PCDH15: variants seen among roughly 807,000 people sequenced by gnomAD.
PCDH15 encodes the protein protocadherin-15.
PCDH15 carries 129 observed loss-of-function variants against 178.5 expected under a neutral mutation model. The observed-to-expected ratio is 0.72, with a 90% CI of 0.63 to 0.84. The LOEUF (loss-of-function observed/expected upper bound fraction) is 0.84. Among genes scored for constraint, PCDH15 ranks in the 40% least tolerant of loss-of-function variants. The probability of loss-of-function intolerance (pLI) is 0.00; values close to 1 mark genes in which losing one functional copy is unlikely to be tolerated. For missense variants in PCDH15, 2,230 were observed against 2,099.9 expected (o/e 1.06, Z -1.21); for synonymous variants, 800 against 732.0 (o/e 1.09, Z -1.50).
At chr10:55,120,369 G>A (rs752434161) in intron 2 of PCDH15, among the ~76,000 whole-genome samples, 2 of 152,118 alleles carry the variant, frequency 1.3e-5, no homozygotes, top group Non-Finnish European at 2.9e-5. Context: ...ATACCATGTA[G>A]GCAGTTGCAT....
At chr10:55,415,988 C>T (rs1226862049) in intron 2 of PCDH15, among the ~76,000 whole-genome samples, 2 of 151,372 alleles carry the variant, frequency 1.3e-5, no homozygotes, top group East Asian at 1.9e-4. Flanking sequence ...ACAGGCTCAA[C>T]ATTTCACAGT....
intron 1 of PCDH15, among the ~76,000 whole-genome samples, chr10:54,669,996 G>A (rs544209014): frequency 4.6e-4 from 70 of 152,182 alleles, no homozygotes; most frequent in South Asian, 8.3e-4. Flanking sequence ...AGAGGTTGCA[G>A]TGGGTTGAGA....
intron 8 of PCDH15, among the ~76,000 whole-genome samples, chr10:54,281,816 G>C (rs1177692840): frequency 6.6e-5 from 10 of 151,906 alleles, no homozygotes; most frequent in Non-Finnish European, 1.0e-4. Flanking sequence ...GCCCATGCCA[G>C]CCCAACATAA....
intron 3 of PCDH15, among the ~76,000 whole-genome samples, chr10:54,425,268 G>A (rs1207326220): frequency 2.0e-5 from 3 of 152,030 alleles, no homozygotes; most frequent in Admixed American, 6.6e-5. Flanking sequence ...TAATCCATTC[G>A]TGAGTGGATT....
intron 2 of PCDH15, among the ~76,000 whole-genome samples, chr10:55,495,707 A>G (rs936154576): frequency 6.6e-6 from 1 of 151,886 alleles, no homozygotes; most frequent in African/African-American, 2.4e-5. Context: ...TTTTCAACAT[A>G]TGACCCATGA....
At chr10:54,800,076 CCAT>C (rs1273129894) in intron 1 of PCDH15, among the ~76,000 whole-genome samples, 1 of 152,006 alleles carries the variant, frequency 6.6e-6, no homozygotes, top group East Asian at 1.9e-4. Flanking sequence ...TTACAGGAGG[CCAT>C]CATATTATAC....
chr10:54,499,447 A>C (rs2080432839), intron 3 of PCDH15, among the ~76,000 whole-genome samples: 1 of 152,154 alleles, frequency 6.6e-6, no homozygotes, highest in Non-Finnish European at 1.5e-5. Context: ...ACAAATTCAA[A>C]AAAAGCAAAA....
intron 2 of PCDH15, among the ~76,000 whole-genome samples, chr10:54,531,745 G>T (rs1456572894): frequency 6.6e-6 from 1 of 151,972 alleles, no homozygotes; most frequent in Non-Finnish European, 1.5e-5. Flanking sequence ...CTTGTGTATT[G>T]AATTTCCTAC....
chr10:55,310,425 T>TC (rs987270815), intron 1 of PCDH15, among the ~76,000 whole-genome samples: 1 of 152,196 alleles, frequency 6.6e-6, no homozygotes, highest in Non-Finnish European at 1.5e-5. Flanking sequence ...TACCTTTTTT[T>TC]CATTTCTAAA....
intron 1 of PCDH15, among the ~76,000 whole-genome samples, chr10:54,677,083 A>G (rs1172085417): frequency 2.0e-5 from 3 of 152,194 alleles, no homozygotes; most frequent in African/African-American, 4.8e-5. Flanking sequence ...TTTCAAAAGT[A>G]TATTCCGGCA....
At chr10:54,763,536 A>G (rs1015058535) in intron 1 of PCDH15, among the ~76,000 whole-genome samples, 2 of 152,070 alleles carry the variant, frequency 1.3e-5, no homozygotes, top group African/African-American at 4.8e-5. Context: ...AATAAGTTCT[A>G]GAGTTCAATA....
intron 3 of PCDH15, among the ~76,000 whole-genome samples, chr10:54,812,437 A>AT (rs1158563934): frequency 1.3e-5 from 2 of 150,450 alleles, no homozygotes; most frequent in Admixed American, 6.6e-5. Flanking sequence ...CACCCAACTA[A>AT]TTTTTTGTTT....
intron 1 of PCDH15, among the ~76,000 whole-genome samples, chr10:55,270,798 A>C (rs1842424737): frequency 1.3e-5 from 2 of 152,136 alleles, no homozygotes. Flanking sequence ...ATGTACCCAA[A>C]GGAAAATAGA....
rs567400924 is a variant in PCDH15, at chr10:54,249,229, C to T, written c.877-12298G>A. On this transcript the variant is annotated intron_variant, in intron 8 of 37. Transcript: ENST00000644397. ...TTTAATTTTGTTGACATTTTCATCT[C>T]ATATCATAACATTGGTCTTCATCAA... is the stretch of plus-strand genomic sequence containing the variant. 2.0e-5 allele frequency among the ~76,000 whole-genome samples: 3 copies of T among 152,110 alleles called. No homozygotes were observed. The East Asian group carries it at 5.8e-4, about 29-fold the overall frequency.
chr10:54,994,603 C>T (rs1023250131), intron 2 of PCDH15, among the ~76,000 whole-genome samples: 3 of 151,940 alleles, frequency 2.0e-5, no homozygotes, highest in African/African-American at 4.8e-5. Context: ...TTGGTTATAA[C>T]TATTATTATA....
intron 8 of PCDH15, among the ~76,000 whole-genome samples, chr10:54,248,731 T>A (rs567569024): frequency 6.6e-5 from 10 of 152,180 alleles, no homozygotes; most frequent in Non-Finnish European, 1.5e-4. Context: ...ATTCATGCTG[T>A]CAAGTATTAA....
intron 5 of PCDH15, among the ~76,000 whole-genome samples, chr10:54,354,944 T>C (rs1479256249): frequency 6.6e-6 from 1 of 151,892 alleles, no homozygotes; most frequent in Non-Finnish European, 1.5e-5. Flanking sequence ...AAGCAAAAAC[T>C]CAAATTAGAT....
chr10:54,697,223 A>C lies in PCDH15; in HGVS notation c.-28-32933T>G, dbSNP rs1400148187. Among the ~76,000 whole-genome samples, 3 of 152,120 alleles carry C rather than the reference A, an allele frequency of 2.0e-5. No individual in the cohort carries two copies. The East Asian group carries it at 5.8e-4, about 29-fold the overall frequency. On this transcript the variant is annotated intron_variant, in intron 1 of 37. Coordinates refer to ENST00000644397, the MANE Select transcript of PCDH15 (RefSeq NM_001384140.1). ...AGAATGGAAAGAGTAAATTATCTAAAATATCAGAAATAACTTGTTTTAGCT... is the reference window on the plus strand; with the variant it reads ...AGAATGGAAAGAGTAAATTATCTAACATATCAGAAATAACTTGTTTTAGCT...
At chr10:54,669,064 A>T (rs1313572843) in intron 1 of PCDH15, among the ~76,000 whole-genome samples, 1 of 152,110 alleles carries the variant, frequency 6.6e-6, no homozygotes, top group East Asian at 1.9e-4. Flanking sequence ...TCAAACTAAA[A>T]ACATGAGGTT....
Sources: gnomAD v4.1 joint callset for allele counts (sites outside exome capture counted in the v4.1 genomes callset) on GRCh38, gnomAD v4.1.1 for gene constraint, MANE v1.5 for transcripts, NCBI Gene and HGNC (gene_info 2026-07-23, HGNC 2026-07-21) for gene names.